Variants in MTIF3 observed in about 807,000 individuals in gnomAD.
The protein encoded by MTIF3 is mitochondrial translational initiation factor 3, also known as translation initiation factor IF-3, mitochondrial.
A neutral mutation model predicts 20.7 loss-of-function variants in MTIF3; 13 were observed. That is an observed-to-expected ratio of 0.63 (90% confidence interval 0.41 to 1.00). The LOEUF is 1.00. MTIF3 is among the 50% of genes least tolerant of loss of function. The pLI is 0.00. For missense variants in MTIF3, 295 were observed against 324.5 expected, an observed-to-expected ratio of 0.91 and a Z score of 0.70; for synonymous variants, 114 against 112.5, an observed-to-expected ratio of 1.01 and a Z score of -0.08.
intron 2 of MTIF3, among the ~76,000 whole-genome samples, chr13:27,440,830 A>G (rs572062192): frequency 1.6e-4 from 25 of 152,192 alleles, no homozygotes; most frequent in African/African-American, 5.8e-4. Context: ...AAATCTGTGT[A>G]TAACTTTGAC....
intron 2 of MTIF3, chr13:27,441,293 T>TA (rs1260714436): frequency 1.1e-4 from 16 of 152,238 alleles, no homozygotes; most frequent in Admixed American, 3.9e-4. Context: ...TGGTGATTCA[T>TA]AAACACCAAT....
intron 2 of MTIF3, among the ~76,000 whole-genome samples, chr13:27,442,221 C>T (rs1954028348): frequency 2.6e-5 from 4 of 152,188 alleles, no homozygotes. Context: ...GTTGCTCAGG[C>T]CAAAAATACC....
Position 27,435,737 on chromosome 13 carries a change from C to A in MTIF3, c.775G>T (p.Glu259Ter). ...KAYKETQETQ[E>*]RDTLNKDHGN... ...TGGTCTTTGTTCAAAGTGTCTCTTTCCTGGGTCTCTTGAGTTTCTTTATAT... is the reference window on the plus strand; with the variant it reads ...TGGTCTTTGTTCAAAGTGTCTCTTTACTGGGTCTCTTGAGTTTCTTTATAT... Residue 259 changes from glutamate (E) to a stop codon, truncating the protein, a stop_gained, in exon 5 of 5, where the codon GAA (glutamate) becomes TAA (stop). Transcript: ENST00000381120. LOFTEE classifies it low-confidence loss of function (END_TRUNC). The A allele has an allele frequency of 6.2e-7, 1 of 1,614,022 alleles. No homozygotes were observed. The highest frequency in any genetic ancestry group is 8.5e-7 in the Non-Finnish European group (1 of 1,179,940).
intron 2 of MTIF3, among the ~76,000 whole-genome samples, chr13:27,443,622 TA>T (rs1954073843): frequency 1.3e-5 from 2 of 152,238 alleles, no homozygotes; most frequent in Non-Finnish European, 2.9e-5. Context: ...TCACTGCAAT[TA>T]AGCTTTAATA....
intron 2 of MTIF3, among the ~76,000 whole-genome samples, chr13:27,444,334 T>G (rs1374457644): frequency 2.0e-5 from 3 of 151,906 alleles, no homozygotes; most frequent in Non-Finnish European, 2.9e-5. Flanking sequence ...AGAAAAACAC[T>G]GGAAGTATAT....
rs1195050954 is a variant in MTIF3 at position 27,440,250 on chromosome 13, T to C, written c.199A>G (p.Lys67Glu). The C allele has an allele frequency of 6.2e-7, 1 of 1,614,232 alleles. No homozygotes were observed. The highest frequency in any genetic ancestry group is 1.1e-5 in the South Asian group (1 of 91,088). The change falls in exon 3 of 5, where the codon AAG (lysine) becomes GAG (glutamate). Residue 67 changes from lysine (K) to glutamate (E), a missense_variant. Coordinates refer to ENST00000381120, the MANE Select transcript of MTIF3 (RefSeq NM_152912.5). ...TAEDTQNEGKKTKKNKTAFSN... is the reference protein window; with the variant it reads ...TAEDTQNEGKETKKNKTAFSN... ...AAAGCTGTTTTATTCTTTTTTGTCT[T>C]TTTTCCTTCATTCTGGGTGTCTTCA... is the stretch of plus-strand genomic sequence containing the variant.
At chr13:27,444,258 T>C (rs990859000) in intron 2 of MTIF3, among the ~76,000 whole-genome samples, 1 of 151,950 alleles carries the variant, frequency 6.6e-6, no homozygotes, top group Non-Finnish European at 1.5e-5. Flanking sequence ...GTGAGCGAGA[T>C]TGCGCCACTG....
intron 1 of MTIF3, among the ~76,000 whole-genome samples, chr13:27,449,002 C>T (rs554398194): frequency 2.0e-5 from 3 of 152,288 alleles, no homozygotes; most frequent in East Asian, 3.9e-4. Context: ...GATCGTGCAC[C>T]GCACTCCAGC....
intron 1 of MTIF3, chr13:27,449,815 C>T (rs975980750): frequency 2.0e-5 from 3 of 152,242 alleles, no homozygotes; most frequent in Non-Finnish European, 4.4e-5. Flanking sequence ...TCTCCATCCT[C>T]TACTTTTCTA....
chr13:27,450,166 C>G (rs1427515656), intron 1 of MTIF3: 1 of 152,310 alleles, frequency 6.6e-6, no homozygotes, highest in African/African-American at 2.4e-5. Flanking sequence ...CGGCGGAGCG[C>G]CAGGGCTAGA....
intron 1 of MTIF3, among the ~76,000 whole-genome samples, chr13:27,448,022 A>G (rs75180312): frequency 0.024 from 3,685 of 152,264 alleles, 72 homozygotes; most frequent in South Asian, 0.091. Context: ...ACTGCTCCAA[A>G]GGACAGCTGT....
chr13:27,443,821 C>T (rs954574073), intron 2 of MTIF3, among the ~76,000 whole-genome samples: 2 of 151,902 alleles, frequency 1.3e-5, no homozygotes, highest in Non-Finnish European at 2.9e-5. Context: ...AAGACAAAAG[C>T]AATTCATTCC....
chr13:27,445,283 C>T (rs1954146581), intron 1 of MTIF3, 127 bp from the exon 2 acceptor site: 1 of 152,062 alleles, frequency 6.6e-6, no homozygotes, highest in Admixed American at 6.6e-5. Context: ...AGTTTGAGAC[C>T]AGCCCGGGAC....
In MTIF3 at chr13:27,437,477, T is replaced by C. The variant is rs1218823; in HGVS notation, c.461-204A>G. The stretch of plus-strand genomic sequence containing the variant: ...TTTTTTACCTGCCCTGGAAGGGTAC[T>C]TAAAATCTGAAATGCTTCCATTTAT... On this transcript the variant is annotated intron_variant, in intron 3 of 4. Transcript: ENST00000381120. Among the ~76,000 whole-genome samples, 60,694 of 152,128 alleles carry C rather than the reference T, an allele frequency of 0.4. 13,243 individuals carry two copies. Among genetic ancestry groups the C allele is most frequent in the South Asian group, 0.59 (2,827 of 4,818 alleles).
At chr13:27,448,633 CATT>C (rs1462740917) in intron 1 of MTIF3, among the ~76,000 whole-genome samples, 2 of 151,476 alleles carry the variant, frequency 1.3e-5, no homozygotes, top group Non-Finnish European at 2.9e-5. Flanking sequence ...AAAAAGCCAA[CATT>C]ATATCTTTGG....
intron 2 of MTIF3, among the ~76,000 whole-genome samples, chr13:27,443,024 G>T (rs1954055898): frequency 1.3e-5 from 2 of 152,230 alleles, no homozygotes; most frequent in African/African-American, 4.8e-5. Context: ...AAACAGCCAA[G>T]GAGCTATGGC....
intron 1 of MTIF3, among the ~76,000 whole-genome samples, chr13:27,448,755 C>A (rs1340818105): frequency 6.6e-6 from 1 of 152,196 alleles, no homozygotes; most frequent in African/African-American, 2.4e-5. Context: ...ACTGGACTTA[C>A]GGCCGGGCAC....
chr13:27,448,214 G>A (rs572391460), intron 1 of MTIF3, among the ~76,000 whole-genome samples: 1 of 152,286 alleles, frequency 6.6e-6, no homozygotes, highest in East Asian at 1.9e-4. Flanking sequence ...CTGAAGAGAC[G>A]AAAATAACTT....
rs36016925 is a variant in MTIF3 at position 27,438,320 on chromosome 13, C to CAAAA, written c.461-1051_461-1048dup. ...GCAACATAGCGAGACCCCATCTCTA[C>CAAAA]AAAAAAAAAAAAAAAAAAAAAAGGC... On this transcript the variant is annotated intron_variant, in intron 3 of 4. Transcript: ENST00000381120. 2.6e-3 allele frequency among the ~76,000 whole-genome samples: 145 copies of CAAAA among 54,814 alleles called. 13 individuals are homozygous for CAAAA. Among genetic ancestry groups the CAAAA allele is most frequent in the African/African-American group, 6.2e-3 (85 of 13,648 alleles). The allele number at this position is 54,814 out of a possible 152,430, so 36.0% of individuals were successfully genotyped here.
Sources: allele counts gnomAD v4.1 joint callset (sites outside exome capture counted in the v4.1 genomes callset), GRCh38; gene constraint gnomAD v4.1.1; transcripts MANE v1.5; gene names NCBI Gene and HGNC (gene_info 2026-07-23, HGNC 2026-07-21).